Variants in CDYL observed in about 807,000 individuals in gnomAD.
CDYL encodes chromodomain Y like.
A neutral mutation model predicts 47.3 loss-of-function variants in CDYL; 8 were observed. The observed-to-expected ratio is 0.17, with a 90% CI of 0.10 to 0.31. CDYL has a LOEUF of 0.31. Among genes scored for constraint, CDYL ranks in the 10% least tolerant of loss-of-function variants. The pLI is 1.00. For missense variants in CDYL, 471 were observed against 701.4 expected, an observed-to-expected ratio of 0.67 and a Z score of 3.71; for synonymous variants, 266 against 265.0, an observed-to-expected ratio of 1.00 and a Z score of -0.04.
At chr6:4,939,322 C>T (rs1227936487) in intron 4 of CDYL, among the ~76,000 whole-genome samples, 2 of 152,010 alleles carry the variant, frequency 1.3e-5, no homozygotes, top group Non-Finnish European at 2.9e-5. Context: ...CTGGGGTAGG[C>T]AGGGACGTCT....
chr6:4,795,475 T>C (rs1017730574), intron 1 of CDYL, among the ~76,000 whole-genome samples: 1 of 152,182 alleles, frequency 6.6e-6, no homozygotes, highest in African/African-American at 2.4e-5. Flanking sequence ...TGGCTTTACT[T>C]GCCTAAAAAA....
chr6:4,880,279 G>T (rs1391245768), intron 1 of CDYL, among the ~76,000 whole-genome samples: 1 of 152,102 alleles, frequency 6.6e-6, no homozygotes, highest in Non-Finnish European at 1.5e-5. Context: ...AAGTCATATA[G>T]TATGTAGCCT....
chr6:4,912,038 C>T (rs1757428861), intron 2 of CDYL, among the ~76,000 whole-genome samples: 3 of 152,150 alleles, frequency 2.0e-5, no homozygotes, highest in Non-Finnish European at 2.9e-5. Context: ...TAAGCAATGC[C>T]ATTGATTTAT....
chr6:4,943,449 A>C, intron 4 of CDYL, 97 bp from the exon 5 acceptor site: 1 of 851,984 alleles, frequency 1.2e-6, no homozygotes, highest in Non-Finnish European at 1.9e-6. Flanking sequence ...GGATTTCCGT[A>C]GCATTTACAT....
At chr6:4,835,858 C>T (rs1253775256) in intron 1 of CDYL, among the ~76,000 whole-genome samples, 1 of 152,210 alleles carries the variant, frequency 6.6e-6, no homozygotes, top group Admixed American at 6.5e-5. Flanking sequence ...CAGCGAGACT[C>T]CGTGGGCGCA....
At chr6:4,873,347 A>G (rs965859164) in intron 1 of CDYL, among the ~76,000 whole-genome samples, 23 of 152,208 alleles carry the variant, frequency 1.5e-4, no homozygotes, top group African/African-American at 5.5e-4. Context: ...GATAATGACT[A>G]CTATGACTTT....
intron 3 of CDYL, among the ~76,000 whole-genome samples, chr6:4,754,335 C>T (rs1448578888): frequency 6.6e-6 from 1 of 152,198 alleles, no homozygotes; most frequent in African/African-American, 2.4e-5. Flanking sequence ...TTTCAAGTCT[C>T]TGAAGTTGGC....
intron 1 of CDYL, among the ~76,000 whole-genome samples, chr6:4,873,205 G>A (rs1002878778): frequency 1.3e-5 from 2 of 151,966 alleles, no homozygotes; most frequent in Admixed American, 6.6e-5. Context: ...AGGACTTGTC[G>A]GTATCATTTC....
At chr6:4,751,152 G>A (rs576103860) in intron 3 of CDYL, among the ~76,000 whole-genome samples, 6 of 152,126 alleles carry the variant, frequency 3.9e-5, no homozygotes, top group Middle Eastern at 3.2e-3. Flanking sequence ...ACTGCGCCTG[G>A]CCAAAATACT....
At chr6:4,814,724 T>C (rs573713495) in intron 1 of CDYL, among the ~76,000 whole-genome samples, 1 of 152,290 alleles carries the variant, frequency 6.6e-6, no homozygotes, top group South Asian at 2.1e-4. Context: ...GGTTTTACCA[T>C]GTTGGCCAGG....
At chr6:4,853,395 G>T (rs538606868) in intron 1 of CDYL, among the ~76,000 whole-genome samples, 1 of 152,206 alleles carries the variant, frequency 6.6e-6, no homozygotes, top group Non-Finnish European at 1.5e-5. Flanking sequence ...AGATGGCAGA[G>T]CCTGCATCTG....
intron 1 of CDYL, among the ~76,000 whole-genome samples, chr6:4,794,940 T>C (rs987102628): frequency 6.6e-6 from 1 of 152,198 alleles, no homozygotes; most frequent in Admixed American, 6.5e-5. Flanking sequence ...TAGACAATTA[T>C]ATCTTGTGCA....
intron 2 of CDYL, among the ~76,000 whole-genome samples, chr6:4,925,668 G>A (rs1485377209): frequency 6.6e-6 from 1 of 152,000 alleles, no homozygotes; most frequent in Non-Finnish European, 1.5e-5. Flanking sequence ...CGCCCACCTC[G>A]GCCTCCTAAA....
chr6:4,846,980 A>G (rs1448514006), intron 1 of CDYL, among the ~76,000 whole-genome samples: 7 of 152,160 alleles, frequency 4.6e-5, no homozygotes, highest in African/African-American at 1.4e-4. Flanking sequence ...GTAGTCTCAG[A>G]TCCACTTAGA....
rs1358146243 is a variant in CDYL, at chr6:4,900,324, TA to T, written c.691+7946del. On this transcript the variant is annotated intron_variant, in intron 2 of 6. Transcript: ENST00000397588. ...CTTTATATAAATATGATTTCAAACT[TA>T]CAAGTTGCAAGACCAGTACAAGAAA... Among the ~76,000 whole-genome samples, 7 of 152,212 alleles carry T rather than the reference TA, an allele frequency of 4.6e-5. No individual in the cohort carries two copies. In the East Asian group the frequency reaches 1.3e-3, roughly 29 times the overall value.
intron 1 of CDYL, among the ~76,000 whole-genome samples, chr6:4,804,974 G>A (rs1474234524): frequency 6.6e-6 from 1 of 152,138 alleles, no homozygotes; most frequent in African/African-American, 2.4e-5. Flanking sequence ...AAGAAAGAGG[G>A]AGAAATTGTT....
chr6:4,892,483 G>A (rs984616996), intron 2 of CDYL, 104 bp downstream of exon 2: 10 of 1,182,962 alleles, frequency 8.5e-6, no homozygotes, highest in East Asian at 7.2e-5. Context: ...GGCTTCTCAC[G>A]GCATCTGCTG....
chr6:4,750,924 C>T (rs1757978184), intron 3 of CDYL, among the ~76,000 whole-genome samples: 1 of 150,560 alleles, frequency 6.6e-6, no homozygotes, highest in Non-Finnish European at 1.5e-5. Context: ...ACGATCTCGG[C>T]TCACTGCAAG....
chr6:4,724,864 A>G (rs1008998645), intron 2 of CDYL: 1 of 152,198 alleles, frequency 6.6e-6, no homozygotes, highest in Non-Finnish European at 1.5e-5. Context: ...CAAACCGTGG[A>G]AAAAGACCAC....
Sources: allele counts gnomAD v4.1 joint callset (sites outside exome capture counted in the v4.1 genomes callset), GRCh38; gene constraint gnomAD v4.1.1; transcripts MANE v1.5; gene names NCBI Gene and HGNC (gene_info 2026-07-23, HGNC 2026-07-21).